Variants in ACSM1 observed in about 807,000 individuals in gnomAD.
The protein encoded by ACSM1 is acyl-coenzyme A synthetase ACSM1, mitochondrial.
ACSM1 carries 79 observed loss-of-function variants against 75.8 expected under a neutral mutation model. That is an observed-to-expected ratio of 1.04 (90% CI 0.87 to 1.26). The LOEUF (loss-of-function observed/expected upper bound fraction) is 1.26, where lower values mean the gene tolerates loss of function less well. Among genes scored for constraint, ACSM1 ranks in the 50% most tolerant of loss-of-function variants. ACSM1 has a pLI of 0.00. For synonymous variants in ACSM1, 279 were observed against 265.8 expected (o/e 1.05, Z -0.48); for missense variants, 676 against 720.1 (o/e 0.94, Z 0.70).
chr16:20,653,127 A>C (rs1211029929), intron 7 of ACSM1, among the ~76,000 whole-genome samples: 1 of 152,262 alleles, frequency 6.6e-6, no homozygotes, highest in African/African-American at 2.4e-5. Flanking sequence ...AAAATCCAGC[A>C]TATAAACAGA....
At chr16:20,652,342 T>C (rs1251923573) in intron 7 of ACSM1, among the ~76,000 whole-genome samples, 1 of 151,912 alleles carries the variant, frequency 6.6e-6, no homozygotes. Flanking sequence ...CTTTGTCTAA[T>C]TAAAACCTTA....
Position 20,669,835 on chromosome 16 carries a change from T to A in ACSM1, c.904A>T (p.Ile302Phe). 6.2e-7 allele frequency: 1 copy of A among 1,613,932 alleles called. No individual in the cohort carries two copies. The highest frequency in any genetic ancestry group is 8.5e-7 in the Non-Finnish European group (1 of 1,179,844). Reference sequence around the variant, plus strand: ...AAGGTGAGTCTTCTTACCTGTATGATGACCTTGGTGTCAAACTGTGGCAGA... The same window carrying A: ...AAGGTGAGTCTTCTTACCTGTATGAAGACCTTGGTGTCAAACTGTGGCAGA... Reference protein sequence around the residue: ...HHLPQFDTKVIIQTLLKYPIN... With the variant: ...HHLPQFDTKVFIQTLLKYPIN... Residue 302 changes from isoleucine (I) to phenylalanine (F), a missense_variant, in exon 6 of 14, where the codon ATC (isoleucine) becomes TTC (phenylalanine). Ile to Phe is a conservative substitution (Grantham distance 21, BLOSUM62 0). Coordinates refer to ENST00000520010, the MANE Select transcript of ACSM1 (RefSeq NM_001318890.3).
chr16:20,650,881 T>C (rs933671888), intron 7 of ACSM1, among the ~76,000 whole-genome samples: 1 of 152,190 alleles, frequency 6.6e-6, no homozygotes, highest in Non-Finnish European at 1.5e-5. Flanking sequence ...GCTTCTATTT[T>C]CTTGTCTGCC....
chr16:20,675,043 T>G (rs1026444370), intron 4 of ACSM1, among the ~76,000 whole-genome samples: 5 of 152,120 alleles, frequency 3.3e-5, no homozygotes, highest in Non-Finnish European at 7.4e-5. Context: ...AGGAAGAGTT[T>G]GCTGGCAGAA....
intron 1 of ACSM1, among the ~76,000 whole-genome samples, chr16:20,696,720 C>T (rs971075811): frequency 2.0e-5 from 3 of 152,194 alleles, no homozygotes; most frequent in African/African-American, 4.8e-5. Flanking sequence ...GGCAGCTGGG[C>T]TCCCCACTGT....
intron 8 of ACSM1, among the ~76,000 whole-genome samples, chr16:20,638,521 G>A (rs1473363870): frequency 6.6e-6 from 1 of 152,194 alleles, no homozygotes; most frequent in Non-Finnish European, 1.5e-5. Flanking sequence ...ACCAAAAATA[G>A]CAAGGACCAC....
At chr16:20,646,733 G>T (rs566947625) in intron 7 of ACSM1, among the ~76,000 whole-genome samples, 4 of 152,262 alleles carry the variant, frequency 2.6e-5, no homozygotes, top group Admixed American at 1.3e-4. Context: ...AAGGAAAAAG[G>T]GTAAATATAT....
intron 2 of ACSM1, 56 bp downstream of exon 2, chr16:20,690,941 A>G (rs879591229): frequency 6.5e-7 from 1 of 1,547,564 alleles, no homozygotes; most frequent in Non-Finnish European, 8.7e-7. Context: ...TAGGAGCAAG[A>G]TAAGGAAAGT....
At chr16:20,692,165 T>A (rs548827901) in intron 1 of ACSM1, among the ~76,000 whole-genome samples, 1 of 152,242 alleles carries the variant, frequency 6.6e-6, no homozygotes, top group South Asian at 2.1e-4. Flanking sequence ...AGAGTTAAAC[T>A]CTGTAAAATA....
At chr16:20,685,847 C>A (rs4783459) in intron 2 of ACSM1, among the ~76,000 whole-genome samples, 41,237 of 88,024 alleles carry the variant, frequency 0.47, 10,472 homozygotes, top group Non-Finnish European at 0.58. Context: ...AAAAAAAAAA[C>A]AAAAAACTTA....
chr16:20,675,625 A>G (rs80164137), intron 4 of ACSM1, among the ~76,000 whole-genome samples: 1 of 152,206 alleles, frequency 6.6e-6, no homozygotes, highest in East Asian at 1.9e-4. Flanking sequence ...ATGAAACTGG[A>G]TGTTCAAAAG....
intron 4 of ACSM1, chr16:20,674,046 T>C: frequency 2.3e-6 from 1 of 436,544 alleles, no homozygotes; most frequent in Non-Finnish European, 4.6e-6. Flanking sequence ...TTGATGACCT[T>C]CCTACCACTG....
Position 20,685,309 on chromosome 16 carries a change from C to A in ACSM1, c.287G>T (p.Arg96Leu), listed in dbSNP as rs369139443. ...CTGTGTGAAGACGTTGGCTACACGG[C>A]GGGTTAGGTCTCCCATCTCTCTGAA... ...WSFREMGDLT[R>L]RVANVFTQTC... is the part of the protein sequence containing the mutation. The change falls in exon 3 of 14, where the codon CGC becomes CTC. Residue 96 changes from arginine (R) to leucine (L), a missense_variant. Coordinates refer to ENST00000520010, the MANE Select transcript of ACSM1 (RefSeq NM_001318890.3). The A allele has an allele frequency of 1.9e-6, 3 of 1,614,190 alleles. No homozygotes were observed. Among genetic ancestry groups the A allele is most frequent in the East Asian group, 2.2e-5 (1 of 44,884 alleles).
At chr16:20,662,887 C>T (rs956019456) in intron 6 of ACSM1, among the ~76,000 whole-genome samples, 8 of 152,168 alleles carry the variant, frequency 5.3e-5, no homozygotes, top group Non-Finnish European at 1.2e-4. Flanking sequence ...CAGGCCCACT[C>T]CAGCAATGTC....
intron 8 of ACSM1, among the ~76,000 whole-genome samples, chr16:20,639,325 T>C (rs2017916403): frequency 6.6e-6 from 1 of 152,228 alleles, no homozygotes; most frequent in Non-Finnish European, 1.5e-5. Context: ...AGAAAGTCCC[T>C]GCTCCTCACC....
At chr16:20,623,655 C>T in intron 13 of ACSM1, 83 bp from the exon 14 acceptor site, 2 of 1,332,540 alleles carry the variant, frequency 1.5e-6, no homozygotes, top group Non-Finnish European at 2.1e-6. Flanking sequence ...CTCTGCCCCT[C>T]CACAGTCTCC....
Position 20,636,746 on chromosome 16 carries a change from C to G in ACSM1, c.1292G>C (p.Cys431Ser), listed in dbSNP as rs1343496824. 3 of 1,613,596 alleles carry G rather than the reference C, an allele frequency of 1.9e-6. No homozygotes were observed. The African/African-American group carries it at 4.0e-5, about 22-fold the overall frequency. ...KPVRPVSLFM[C>S]YEGDPEKTAK... ...CAGATGGGGGGTCATTACCTCATAG[C>G]ACATGAAGAGGCTCACAGGCCTGAC... The change falls in exon 10 of 14, where the codon TGC becomes TCC. Residue 431 changes from cysteine to serine, a missense_variant. Cys to Ser is a moderately radical substitution (Grantham distance 112, BLOSUM62 -1). Transcript: ENST00000520010.
At chr16:20,677,936 A>C (rs1159493431) in intron 4 of ACSM1, among the ~76,000 whole-genome samples, 2 of 152,160 alleles carry the variant, frequency 1.3e-5, no homozygotes, top group Non-Finnish European at 2.9e-5. Context: ...ACAGCTCTTA[A>C]ATGCTGTATA....
At chr16:20,662,722 C>T (rs189600101) in intron 6 of ACSM1, among the ~76,000 whole-genome samples, 2 of 152,216 alleles carry the variant, frequency 1.3e-5, no homozygotes, top group Admixed American at 6.5e-5. Context: ...TACTTCCAGT[C>T]CCTCCCTTCA....
Sources: gnomAD v4.1 joint callset for allele counts (sites outside exome capture counted in the v4.1 genomes callset) on GRCh38, gnomAD v4.1.1 for gene constraint, MANE v1.5 for transcripts, NCBI Gene and HGNC (gene_info 2026-07-23, HGNC 2026-07-21) for gene names.